The following PDE10A variants were observed in gnomAD, a reference collection of about 807,000 sequenced individuals.
PDE10A encodes phosphodiesterase 10A.
In PDE10A, 39 loss-of-function variants were observed where a neutral mutation model predicts 97.7. The observed-to-expected ratio is 0.40, with a 90% confidence interval of 0.31 to 0.52. The LOEUF (loss-of-function observed/expected upper bound fraction) is 0.52, where lower values mean the gene tolerates loss of function less well. Among genes scored for constraint, PDE10A ranks in the 20% least tolerant of loss-of-function variants. PDE10A has a pLI of 0.56. For missense variants in PDE10A, 731 were observed against 1,047.8 expected (o/e 0.70, Z 4.17); for synonymous variants, 371 against 376.8 (o/e 0.98, Z 0.18).
chr6:165,923,753 A>AC, intron 1 of PDE10A, among the ~76,000 whole-genome samples: 1 of 150,516 alleles, frequency 6.6e-6, no homozygotes, highest in Non-Finnish European at 1.5e-5. Context: ...TATAACTATC[A>AC]CCACTTTAAA....
intron 1 of PDE10A, among the ~76,000 whole-genome samples, chr6:165,887,726 C>T (rs1781667338): frequency 6.6e-6 from 1 of 152,212 alleles, no homozygotes; most frequent in South Asian, 2.1e-4. Context: ...GACATTTTCT[C>T]ACCAGTCTCA....
chr6:165,380,511 G>T (rs1432577918), intron 17 of PDE10A, among the ~76,000 whole-genome samples: 1 of 152,176 alleles, frequency 6.6e-6, no homozygotes, highest in Admixed American at 6.5e-5. Flanking sequence ...TGCAGCAAAT[G>T]GACTCAGGTC....
In PDE10A at chr6:165,662,864, G is replaced by A. The variant is rs1253920473; in HGVS notation, c.-53C>T. 6.6e-6 allele frequency among the ~76,000 whole-genome samples: 1 copy of A among 150,926 alleles called. No individual in the cohort carries two copies. The highest frequency in any genetic ancestry group is 1.5e-5 in the Non-Finnish European group (1 of 67,512). On this transcript the variant is annotated 5_prime_UTR_variant, in exon 1 of 22. Coordinates refer to ENST00000539869, the MANE Select transcript of PDE10A (RefSeq NM_001385079.1). ...GGCCGCGGGCGGGAGGGGCGCGGCG[G>A]GCCGGGGCTCGGTGGGCTCCGCCCC...
At chr6:165,464,018 C>CTGTTAATA (rs554310505) in intron 3 of PDE10A, among the ~76,000 whole-genome samples, 122 of 152,314 alleles carry the variant, frequency 8.0e-4, no homozygotes, top group African/African-American at 2.8e-3. Flanking sequence ...GACTGGCTTG[C>CTGTTAATA]TGTTAATAAA....
chr6:165,857,604 CAGAAG>C (rs1562770396), intron 1 of PDE10A, among the ~76,000 whole-genome samples: 9 of 151,426 alleles, frequency 5.9e-5, no homozygotes, highest in African/African-American at 1.7e-4. Context: ...GTGGCTTATG[CAGAAG>C]CTGAGAAGCT....
intron 1 of PDE10A, among the ~76,000 whole-genome samples, chr6:165,921,853 G>A (rs1782761671): frequency 6.6e-6 from 1 of 152,182 alleles, no homozygotes; most frequent in Non-Finnish European, 1.5e-5. Flanking sequence ...GAGAGAGACA[G>A]GGAGCACTGA....
intron 2 of PDE10A, among the ~76,000 whole-genome samples, chr6:165,482,896 A>C (rs939682016): frequency 6.6e-6 from 1 of 152,180 alleles, no homozygotes; most frequent in Non-Finnish European, 1.5e-5. Flanking sequence ...CCAGCTTGTC[A>C]GCATTGGTGA....
At chr6:165,688,060 T>C (rs1791170411) in intron 1 of PDE10A, among the ~76,000 whole-genome samples, 1 of 152,226 alleles carries the variant, frequency 6.6e-6, no homozygotes, top group Non-Finnish European at 1.5e-5. Flanking sequence ...GACCACGTGG[T>C]GTTTTCTCAC....
chr6:165,473,892 C>A (rs1235829856), intron 3 of PDE10A, among the ~76,000 whole-genome samples: 1 of 152,180 alleles, frequency 6.6e-6, no homozygotes, highest in Non-Finnish European at 1.5e-5. Flanking sequence ...AGTGGTTTAA[C>A]AATTTCCACA....
intron 1 of PDE10A, among the ~76,000 whole-genome samples, chr6:165,714,584 G>A (rs755354267): frequency 1.4e-4 from 22 of 152,336 alleles, no homozygotes; most frequent in Non-Finnish European, 2.5e-4. Context: ...CCCCCTACTC[G>A]AATCCAGGCA....
chr6:165,628,280 A>G (rs912584684), intron 1 of PDE10A, among the ~76,000 whole-genome samples: 49 of 152,244 alleles, frequency 3.2e-4, no homozygotes, highest in African/African-American at 1.1e-3. Context: ...GCTTAAATAA[A>G]ATAATCCAGG....
rs572528855 is a variant in PDE10A at position 165,789,957 on chromosome 6, GAGAGGA to G, written c.-615+197566_-615+197571del. On this transcript the variant is annotated intron_variant, in intron 1 of 19. Coordinates refer to the PDE10A transcript ENST00000366882. ...AGACGGGATGGTGTGGAGAGTGAGG[GAGAGGA>G]AGAGAAAGAGAAAGGCCACATTTGG... is the stretch of plus-strand genomic sequence containing the variant. 7.8e-4 allele frequency among the ~76,000 whole-genome samples: 119 copies of G among 152,236 alleles called. 1 individual carries two copies. Among genetic ancestry groups the G allele is most frequent in the Non-Finnish European group, 1.1e-3 (77 of 68,012 alleles).
At chr6:165,410,814 C>T (rs1004375969) in intron 13 of PDE10A, among the ~76,000 whole-genome samples, 9 of 151,378 alleles carry the variant, frequency 5.9e-5, no homozygotes, top group South Asian at 2.1e-4. Context: ...CTTGGCCGGG[C>T]GCGGTGGCTC....
rs986627636 is a variant in PDE10A, at chr6:165,886,617, C to T, written c.-615+100912G>A. Among the ~76,000 whole-genome samples the T allele has an allele frequency of 4.4e-4, 67 of 152,170 alleles. 2 individuals carry two copies. The highest frequency in any genetic ancestry group is 1.6e-3 in the African/African-American group (67 of 41,426). On this transcript the variant is annotated intron_variant, in intron 1 of 19. Coordinates refer to the PDE10A transcript ENST00000366882. ...GGAAACAAAATGGAAACTTCTTGGC[C>T]TTGCTTTTTTGAAGGGAAAATATGT... is the stretch of plus-strand genomic sequence containing the variant.
At chr6:165,838,743 C>T (rs763840744) in intron 1 of PDE10A, among the ~76,000 whole-genome samples, 2 of 152,224 alleles carry the variant, frequency 1.3e-5, no homozygotes, top group African/African-American at 2.4e-5. Flanking sequence ...ATCACTGAAA[C>T]TTTTTCTTCT....
intron 1 of PDE10A, among the ~76,000 whole-genome samples, chr6:165,850,746 T>G (rs766271077): frequency 1.3e-5 from 2 of 152,188 alleles, no homozygotes; most frequent in Admixed American, 6.5e-5. Context: ...AAGAAGCATA[T>G]TCAAGATTTT....
chr6:165,741,717 T>G (rs896159149), intron 1 of PDE10A, among the ~76,000 whole-genome samples: 3 of 152,218 alleles, frequency 2.0e-5, no homozygotes, highest in Non-Finnish European at 4.4e-5. Context: ...TGAAAACTAC[T>G]AAATTCAGAC....
At chr6:165,844,821 G>A (rs929858641) in intron 1 of PDE10A, among the ~76,000 whole-genome samples, 5 of 152,286 alleles carry the variant, frequency 3.3e-5, no homozygotes, top group Admixed American at 2.0e-4. Flanking sequence ...CTAATCTTCA[G>A]TACAAACCCT....
chr6:165,722,754 T>G (rs1012579898), intron 1 of PDE10A, among the ~76,000 whole-genome samples: 1 of 152,060 alleles, frequency 6.6e-6, no homozygotes, highest in Admixed American at 6.6e-5. Context: ...TTATATGAAG[T>G]CTGGAGTAGT....
Sources: gnomAD v4.1 joint callset for allele counts (sites outside exome capture counted in the v4.1 genomes callset) on GRCh38, gnomAD v4.1.1 for gene constraint, MANE v1.5 for transcripts, NCBI Gene and HGNC (gene_info 2026-07-23, HGNC 2026-07-21) for gene names.